Variants in SLC7A1 observed in about 807,000 individuals in gnomAD.
SLC7A1 encodes the protein high affinity cationic amino acid transporter 1.
In SLC7A1, 10 loss-of-function variants were observed where a neutral mutation model predicts 53.9. The observed-to-expected ratio is 0.19, with a 90% confidence interval of 0.11 to 0.31. The LOEUF (loss-of-function observed/expected upper bound fraction) is 0.31, where lower values mean the gene tolerates loss of function less well. Among genes scored for constraint, SLC7A1 ranks in the 10% least tolerant of loss-of-function variants. The pLI, the probability that SLC7A1 is intolerant of heterozygous loss-of-function variation, is 1.00. For synonymous variants in SLC7A1, 342 were observed against 338.7 expected (o/e 1.01, Z -0.11); for missense variants, 525 against 827.2 (o/e 0.63, Z 4.48).
chr13:29,526,932 C>T (rs2776960), intron 5 of SLC7A1, among the ~76,000 whole-genome samples: 147,108 of 152,252 alleles, frequency 0.97, 71,221 homozygotes, highest in Non-Finnish European at 1. Flanking sequence ...ATCCGTAAAC[C>T]TCCCTGCTGA....
chr13:29,556,530 C>A (rs1049458043), intron 1 of SLC7A1, among the ~76,000 whole-genome samples: 6 of 152,112 alleles, frequency 3.9e-5, no homozygotes, highest in Non-Finnish European at 7.4e-5. Context: ...AGGTGCACAC[C>A]ACCACGCCTG....
rs1254650578 is a variant in SLC7A1 at position 29,511,339 on chromosome 13, T to G, written c.*3141A>C. 1 of 152,276 alleles carries G rather than the reference T, an allele frequency of 6.6e-6. No individual in the cohort carries two copies. The highest frequency in any genetic ancestry group is 1.5e-5 in the Non-Finnish European group (1 of 68,092). The allele number at this position is 152,276 out of a possible 1,614,324, so 9.4% of individuals were successfully genotyped here. ...AAGTCACAGTGGAAAGAGTTTTTAC[T>G]GCTGCAAAAACCAAAAGTGGGGGGA... On this transcript the variant is annotated 3_prime_UTR_variant, in exon 13 of 13. Transcript: ENST00000380752.
intron 1 of SLC7A1, among the ~76,000 whole-genome samples, chr13:29,569,711 A>C (rs6490412): frequency 0.12 from 18,919 of 152,274 alleles, 1,433 homozygotes; most frequent in African/African-American, 0.2. Flanking sequence ...TCTTCAATGT[A>C]ATGCAATAAC....
intron 2 of SLC7A1, among the ~76,000 whole-genome samples, chr13:29,549,496 G>A (rs145048362): frequency 6.6e-6 from 1 of 152,344 alleles, no homozygotes; most frequent in Non-Finnish European, 1.5e-5. Context: ...TCACTCTGGA[G>A]TGCCACCCCA....
chr13:29,514,422 C>T lies in SLC7A1; in HGVS notation c.*58G>A, dbSNP rs919238452. On this transcript the variant is annotated 3_prime_UTR_variant, in exon 13 of 13. Transcript: ENST00000380752. The stretch of plus-strand genomic sequence containing the variant: ...CTGGTGGGGAGGGTGGGGTGCCTCC[C>T]GGTCCTCTGGGGGCGTCCCTCGGGG... 83 of 1,328,960 alleles carry T rather than the reference C, an allele frequency of 6.2e-5. No homozygotes were observed. The African/African-American group carries it at 8.6e-4, about 14-fold the overall frequency. 82.3% of individuals were successfully genotyped at this position (1,328,960 alleles called of 1,614,324 possible). A position where few individuals can be genotyped will look rare whatever the true frequency, so the allele number is the denominator to read the frequency against.
At chr13:29,566,779 T>C (rs565136985) in intron 1 of SLC7A1, among the ~76,000 whole-genome samples, 91 of 152,344 alleles carry the variant, frequency 6.0e-4, no homozygotes, top group African/African-American at 2.1e-3. Flanking sequence ...ATAAAACTAT[T>C]TTTTGTAAAA....
intron 2 of SLC7A1, among the ~76,000 whole-genome samples, chr13:29,538,609 C>T (rs1014342279): frequency 7.9e-5 from 12 of 152,258 alleles, no homozygotes; most frequent in Admixed American, 4.6e-4. Flanking sequence ...CCAGGATCTG[C>T]AGGCTCAGGG....
chr13:29,556,308 T>C (rs1870438168), intron 1 of SLC7A1, among the ~76,000 whole-genome samples: 1 of 152,218 alleles, frequency 6.6e-6, no homozygotes, highest in Admixed American at 6.5e-5. Flanking sequence ...TTACTTATAG[T>C]AACACAAAAT....
intron 2 of SLC7A1, among the ~76,000 whole-genome samples, chr13:29,551,680 G>A (rs1000694335): frequency 2.8e-4 from 43 of 152,100 alleles, no homozygotes; most frequent in Non-Finnish European, 4.6e-4. Flanking sequence ...GGGGCGGCGC[G>A]GGGAAGAATG....
chr13:29,593,052 T>C lies in SLC7A1; in HGVS notation c.-115+2364A>G, dbSNP rs577275910. Among the ~76,000 whole-genome samples, 19 of 152,248 alleles carry C rather than the reference T, an allele frequency of 1.2e-4. 1 individual carries two copies. The South Asian group carries it at 3.7e-3, about 30-fold the overall frequency. ...GTGAAGGGGAAGGAGGCCAGCAGCC[T>C]GGACGGGTGGCTGCAACACACAGGC... is the stretch of plus-strand genomic sequence containing the variant. On this transcript the variant is annotated intron_variant, in intron 1 of 12. Transcript: ENST00000380752.
chr13:29,562,796 T>A (rs554716440), intron 1 of SLC7A1, among the ~76,000 whole-genome samples: 29 of 152,204 alleles, frequency 1.9e-4, no homozygotes, highest in African/African-American at 6.8e-4. Flanking sequence ...TATATAATAT[T>A]TGTGGTTCTA....
Position 29,531,397 on chromosome 13 carries a change from C to T in SLC7A1, c.530-685G>A, listed in dbSNP as rs573416353. 1.8e-4 allele frequency among the ~76,000 whole-genome samples: 27 copies of T among 152,280 alleles called. No homozygotes were observed. The East Asian group carries it at 2.7e-3, about 15-fold the overall frequency. ...ACTGCCTTTGAGGCACATGCCCCAGCACCACCTTAGGGTGAAGAGGTCATT... is the reference window on the plus strand; with the variant it reads ...ACTGCCTTTGAGGCACATGCCCCAGTACCACCTTAGGGTGAAGAGGTCATT... On this transcript the variant is annotated intron_variant, in intron 4 of 12. Transcript: ENST00000380752.
rs374761921 is a variant in SLC7A1, at chr13:29,521,425, G to A, written c.1189+892C>T. Among the ~76,000 whole-genome samples the A allele has an allele frequency of 2.6e-5, 4 of 152,308 alleles. No homozygotes were observed. In the South Asian group the frequency reaches 6.2e-4, roughly 24 times the overall value. On this transcript the variant is annotated intron_variant, in intron 8 of 12. Coordinates refer to ENST00000380752, the MANE Select transcript of SLC7A1 (RefSeq NM_003045.5). The stretch of plus-strand genomic sequence containing the variant: ...CACTGCTCTGCTCAGACTCTGGAAG[G>A]AGCTTGGCTACTTTGGCATAAAAAC...
At chr13:29,528,114 C>T (rs976612940) in intron 5 of SLC7A1, among the ~76,000 whole-genome samples, 1 of 152,222 alleles carries the variant, frequency 6.6e-6, no homozygotes, top group African/African-American at 2.4e-5. Flanking sequence ...AGCCCTGGGG[C>T]GCCTGGCCTG....
chr13:29,539,077 C>T (rs1309233916), intron 2 of SLC7A1, among the ~76,000 whole-genome samples: 5 of 152,194 alleles, frequency 3.3e-5, no homozygotes, highest in Admixed American at 1.3e-4. Context: ...TTTCCTAGGC[C>T]TCACAGGATA....
intron 1 of SLC7A1, among the ~76,000 whole-genome samples, chr13:29,574,914 G>T (rs138770390): frequency 0.012 from 1,804 of 152,248 alleles, 32 homozygotes; most frequent in African/African-American, 0.041. Flanking sequence ...AAAGTGCTGG[G>T]ATTACCGGCA....
rs1488490276 is a variant in SLC7A1 at position 29,510,032 on chromosome 13, C to G, written c.*4448G>C. 1 of 152,644 alleles carries G rather than the reference C, an allele frequency of 6.6e-6. No individual in the cohort carries two copies. The highest frequency in any genetic ancestry group is 2.4e-5 in the African/African-American group (1 of 41,440). 9.5% of individuals were successfully genotyped at this position (152,644 alleles called of 1,614,324 possible). A position where few individuals can be genotyped will look rare whatever the true frequency, so the allele number is the denominator to read the frequency against. On this transcript the variant is annotated 3_prime_UTR_variant, in exon 13 of 13. Transcript: ENST00000380752. The stretch of plus-strand genomic sequence containing the variant: ...TTTGCCTTGTTAATAAATTAACAGT[C>G]TGAGTGCATCTTTCCATCCTGCTTC...
At chr13:29,516,988 T>C in intron 11 of SLC7A1, 156 bp downstream of exon 11, 1 of 613,516 alleles carries the variant, frequency 1.6e-6, no homozygotes, top group Non-Finnish European at 2.7e-6. Context: ...GTCCTCTCTG[T>C]GCCTTCAGGA....
chr13:29,593,657 C>T (rs1033595035), intron 1 of SLC7A1, among the ~76,000 whole-genome samples: 4 of 152,052 alleles, frequency 2.6e-5, no homozygotes, highest in Non-Finnish European at 4.4e-5. Flanking sequence ...AACTACAGAC[C>T]AGAATAATCA....
Sources: allele counts gnomAD v4.1 joint callset (sites outside exome capture counted in the v4.1 genomes callset), GRCh38; gene constraint gnomAD v4.1.1; transcripts MANE v1.5; gene names NCBI Gene and HGNC (gene_info 2026-07-23, HGNC 2026-07-21).